SYNJ1: variants seen among roughly 807,000 people sequenced by gnomAD.
SYNJ1 encodes the protein synaptojanin 1.
Under a neutral mutation model 168.2 loss-of-function variants are expected in SYNJ1, and 78 were observed. The ratio of observed to expected loss-of-function variants is 0.46; its 90% confidence interval spans 0.39 to 0.56. The LOEUF is 0.56. Ranked by LOEUF, SYNJ1 falls within the 20% of genes least tolerant of loss-of-function variation. SYNJ1 has a pLI of 0.00. For synonymous variants in SYNJ1, 539 were observed against 548.6 expected (o/e 0.98, Z 0.24); for missense variants, 1,303 against 1,597.6 (o/e 0.82, Z 3.14).
At chr21:32,639,910 C>G in intron 29 of SYNJ1, 131 bp from the exon 30 acceptor site, 2 of 685,462 alleles carry the variant, frequency 2.9e-6, no homozygotes, top group Non-Finnish European at 4.9e-6. Flanking sequence ...ATTTTAAGTG[C>G]TCTCTACTTG....
intron 10 of SYNJ1, among the ~76,000 whole-genome samples, chr21:32,683,832 C>T (rs1262721142): frequency 6.6e-6 from 1 of 151,806 alleles, no homozygotes; most frequent in African/African-American, 2.4e-5. Context: ...AGATAGAGAG[C>T]TACCTAAAGA....
chr21:32,702,827 C>G (rs1401122037), intron 2 of SYNJ1, among the ~76,000 whole-genome samples: 2 of 152,212 alleles, frequency 1.3e-5, no homozygotes, highest in African/African-American at 4.8e-5. Context: ...CTTCTTATCT[C>G]TTACACTTAT....
chr21:32,667,316 G>C (rs1015796291), intron 15 of SYNJ1, among the ~76,000 whole-genome samples: 1 of 151,872 alleles, frequency 6.6e-6, no homozygotes, highest in African/African-American at 2.4e-5. Context: ...AAAAAATCTT[G>C]CTATGGGAAA....
At chr21:32,679,046 C>T (rs566677535) in intron 11 of SYNJ1, among the ~76,000 whole-genome samples, 8 of 152,228 alleles carry the variant, frequency 5.3e-5, no homozygotes, top group African/African-American at 1.7e-4. Context: ...CAACCTCATC[C>T]AGTAATTACA....
At chr21:32,700,652 G>A (rs948930224) in intron 3 of SYNJ1, among the ~76,000 whole-genome samples, 3 of 151,748 alleles carry the variant, frequency 2.0e-5, no homozygotes, top group Admixed American at 6.6e-5. Context: ...CTAAAACTAC[G>A]TCTCAAAAAA....
intron 2 of SYNJ1, among the ~76,000 whole-genome samples, chr21:32,712,809 A>T (rs2042874842): frequency 6.6e-6 from 1 of 152,194 alleles, no homozygotes. Context: ...ATTAGAATAA[A>T]CCTCACTGAG....
chr21:32,673,419 G>A lies in SYNJ1; in HGVS notation c.1647C>T (p.Arg549=), dbSNP rs1179324382. 2.5e-6 allele frequency: 4 copies of A among 1,613,844 alleles called. No individual in the cohort carries two copies. Among genetic ancestry groups the A allele is most frequent in the Non-Finnish European group, 2.5e-6 (3 of 1,179,926 alleles). ...GTGTCTGATTCTTAAAAGCTATGCT[G>A]CGAAATTGCTTCCCACCATTCACAT... ...TWNVNGGKQF[R]SIAFKNQTLT... The change falls in exon 14 of 33, where the codon CGC becomes CGT. Residue 549 remains arginine, a synonymous_variant. Coordinates refer to ENST00000674351, the MANE Select transcript of SYNJ1 (RefSeq NM_203446.3).
At chr21:32,689,560 G>A (rs2041950058) in intron 6 of SYNJ1, among the ~76,000 whole-genome samples, 1 of 152,234 alleles carries the variant, frequency 6.6e-6, no homozygotes, top group Non-Finnish European at 1.5e-5. Flanking sequence ...CTCCCAAAGT[G>A]CTGGGATTAC....
At chr21:32,727,553 C>A (rs1434472522) in intron 1 of SYNJ1, among the ~76,000 whole-genome samples, 1 of 151,976 alleles carries the variant, frequency 6.6e-6, no homozygotes, top group Admixed American at 6.6e-5. Flanking sequence ...AGTCACGACT[C>A]GGGGCACCGA....
At chr21:32,695,747 CTG>C (rs1044853637) in intron 4 of SYNJ1, among the ~76,000 whole-genome samples, 51 of 151,612 alleles carry the variant, frequency 3.4e-4, no homozygotes, top group African/African-American at 1.2e-3. Flanking sequence ...ACTGCAACCT[CTG>C]TCTCCCAGGT....
chr21:32,658,743 C>T (rs1427673313), intron 18 of SYNJ1, among the ~76,000 whole-genome samples: 1 of 152,184 alleles, frequency 6.6e-6, no homozygotes, highest in Admixed American at 6.5e-5. Flanking sequence ...CCTGCACTCA[C>T]TTACCAGAAC....
chr21:32,674,194 C>T (rs556962404), intron 13 of SYNJ1, among the ~76,000 whole-genome samples: 2 of 152,206 alleles, frequency 1.3e-5, no homozygotes, highest in Non-Finnish European at 2.9e-5. Context: ...GCACTCACTG[C>T]TCAGACACTG....
chr21:32,683,978 C>A (rs2041728527), intron 10 of SYNJ1, 60 bp downstream of exon 10: 2 of 1,435,168 alleles, frequency 1.4e-6, no homozygotes, highest in African/African-American at 1.4e-5. Flanking sequence ...CATAAGTATT[C>A]AAAAAGCACT....
chr21:32,709,439 C>T (rs1195367642), intron 2 of SYNJ1, among the ~76,000 whole-genome samples: 1 of 149,164 alleles, frequency 6.7e-6, no homozygotes, highest in African/African-American at 2.5e-5. Flanking sequence ...ATCACACCAC[C>T]GCCTTTCCAC....
At chr21:32,689,229 A>G (rs1040367131) in intron 6 of SYNJ1, among the ~76,000 whole-genome samples, 7 of 152,224 alleles carry the variant, frequency 4.6e-5, no homozygotes, top group African/African-American at 1.7e-4. Context: ...AGGTTGCCCA[A>G]TCACAACAAG....
intron 10 of SYNJ1, among the ~76,000 whole-genome samples, chr21:32,682,307 G>A (rs1163511470): frequency 1.3e-5 from 2 of 152,134 alleles, no homozygotes; most frequent in African/African-American, 4.8e-5. Context: ...AAGAATTCTA[G>A]CCTATAAATC....
chr21:32,717,096 AT>A (rs2043051323), intron 2 of SYNJ1, among the ~76,000 whole-genome samples: 1 of 151,928 alleles, frequency 6.6e-6, no homozygotes, highest in African/African-American at 2.4e-5. Context: ...AGTAGCTGGG[AT>A]TACAGGTGCC....
At chr21:32,721,250 G>C (rs886396006) in intron 2 of SYNJ1, among the ~76,000 whole-genome samples, 3 of 152,140 alleles carry the variant, frequency 2.0e-5, no homozygotes, top group Admixed American at 6.5e-5. Flanking sequence ...TTTCAAAACT[G>C]AGTAATGCTA....
chr21:32,684,112 T>G lies in SYNJ1; in HGVS notation c.1126A>C (p.Ser376Arg), dbSNP rs1163151498. The G allele has an allele frequency of 6.2e-6, 10 of 1,613,268 alleles. No homozygotes were observed. The highest frequency in any genetic ancestry group is 1.3e-5 in the African/African-American group (1 of 74,930). The change falls in exon 10 of 33, where the codon AGT becomes CGT. Residue 376 changes from serine to arginine, a missense_variant. Around this residue, in one of 2 missense-constraint regions of SYNJ1, gnomAD observed 920 missense variants for 1,208.8 expected, o/e 0.76. Transcript: ENST00000674351. ...FNGSEVQRCQ[S>R]GTVRTNCLDC... ...AAGCAGTTTGTTCGAACTGTACCAC[T>G]CTGGCATCTGTAACCAATAAAGTTA...
Sources: gnomAD v4.1 joint callset for allele counts (sites outside exome capture counted in the v4.1 genomes callset) on GRCh38, gnomAD v4.1.1 for gene constraint, gnomAD v4.1.1 regional missense constraint, MANE v1.5 for transcripts, NCBI Gene and HGNC (gene_info 2026-07-23, HGNC 2026-07-21) for gene names.